The following SLC35F1 variants were observed in gnomAD, a reference collection of about 807,000 sequenced individuals.
SLC35F1 encodes solute carrier family 35 member F1.
SLC35F1 carries 14 observed loss-of-function variants against 48.7 expected under a neutral mutation model. That is an observed-to-expected ratio of 0.29 (90% confidence interval 0.19 to 0.45). The LOEUF is 0.45. SLC35F1 is among the 20% of genes least tolerant of loss of function. The pLI is 1.00. For synonymous variants in SLC35F1, 190 were observed against 202.2 expected (o/e 0.94, Z 0.51); for missense variants, 404 against 500.0 (o/e 0.81, Z 1.83).
At chr6:118,010,717 A>G (rs1192829789) in intron 1 of SLC35F1, among the ~76,000 whole-genome samples, 1 of 152,160 alleles carries the variant, frequency 6.6e-6, no homozygotes, top group Non-Finnish European at 1.5e-5. Context: ...CAGAAACTCA[A>G]AATTCTTTAA....
chr6:118,099,934 G>A (rs1773232650), intron 1 of SLC35F1, among the ~76,000 whole-genome samples: 1 of 152,016 alleles, frequency 6.6e-6, no homozygotes, highest in African/African-American at 2.4e-5. Flanking sequence ...TGGTATTCCT[G>A]GTTTCTTGGT....
intron 2 of SLC35F1, among the ~76,000 whole-genome samples, chr6:118,161,222 C>T (rs1166626048): frequency 1.3e-5 from 2 of 152,060 alleles, no homozygotes; most frequent in Non-Finnish European, 2.9e-5. Context: ...CTCCCCAGAT[C>T]CGTGAATGTG....
intron 1 of SLC35F1, among the ~76,000 whole-genome samples, chr6:118,088,607 A>G (rs531572422): frequency 6.6e-6 from 1 of 152,288 alleles, no homozygotes; most frequent in Non-Finnish European, 1.5e-5. Context: ...TGAATCTTAT[A>G]TTCAAAATAA....
At chr6:118,005,480 T>C (rs1163688621) in intron 1 of SLC35F1, among the ~76,000 whole-genome samples, 2 of 152,192 alleles carry the variant, frequency 1.3e-5, no homozygotes, top group African/African-American at 4.8e-5. Flanking sequence ...AGGGTGACTC[T>C]AGACATTCCC....
Position 118,285,194 on chromosome 6 carries a change from C to CGT in SLC35F1, c.859_860dup (p.Gly288LeufsTer18). 1 of 1,613,790 alleles carries CGT rather than the reference C, an allele frequency of 6.2e-7. No individual in the cohort carries two copies. The highest frequency in any genetic ancestry group is 2.2e-5 in the East Asian group (1 of 44,868). ...TTACTCTTCCCCCAGGACTGCTCTA[C>CGT]GTTGGCTTTAGTGCCTGCATGTTTG... On this transcript the variant is annotated frameshift_variant, in exon 7 of 8. Coordinates refer to ENST00000360388, the MANE Select transcript of SLC35F1 (RefSeq NM_001029858.4). LOFTEE classifies it high-confidence loss of function.
At chr6:117,966,457 G>A (rs1400213592) in intron 1 of SLC35F1, among the ~76,000 whole-genome samples, 1 of 151,508 alleles carries the variant, frequency 6.6e-6, no homozygotes, top group Non-Finnish European at 1.5e-5. Flanking sequence ...AACAACTCGG[G>A]ATGCGCTGCC....
chr6:118,145,340 A>G (rs958098983), intron 1 of SLC35F1, among the ~76,000 whole-genome samples: 2 of 152,226 alleles, frequency 1.3e-5, no homozygotes, highest in Non-Finnish European at 2.9e-5. Context: ...TGCTTTACTT[A>G]TGTGGATCTG....
At chr6:118,058,428 G>C (rs768740961) in intron 1 of SLC35F1, among the ~76,000 whole-genome samples, 3 of 152,042 alleles carry the variant, frequency 2.0e-5, no homozygotes, top group Non-Finnish European at 4.4e-5. Context: ...TTGTTTCTCA[G>C]AGTCCCTATT....
chr6:118,041,994 A>T (rs1010611959), intron 1 of SLC35F1, among the ~76,000 whole-genome samples: 4 of 152,082 alleles, frequency 2.6e-5, no homozygotes, highest in African/African-American at 9.7e-5. Context: ...TATTGCACAC[A>T]TAGCTGTCCC....
chr6:118,208,918 A>G (rs1430708598), intron 2 of SLC35F1, among the ~76,000 whole-genome samples: 1 of 152,098 alleles, frequency 6.6e-6, no homozygotes, highest in Non-Finnish European at 1.5e-5. Context: ...GAACCAGAAA[A>G]ATTCTTCCTC....
chr6:118,055,637 A>C (rs1210534401), intron 1 of SLC35F1, among the ~76,000 whole-genome samples: 4 of 152,134 alleles, frequency 2.6e-5, no homozygotes, highest in Non-Finnish European at 4.4e-5. Flanking sequence ...ATCTGCCATC[A>C]CTGTGTTAAC....
At chr6:118,083,831 CT>C (rs1200858834) in intron 1 of SLC35F1, among the ~76,000 whole-genome samples, 1 of 152,164 alleles carries the variant, frequency 6.6e-6, no homozygotes, top group African/African-American at 2.4e-5. Flanking sequence ...TTATGAAAGA[CT>C]TTTCTCAGCT....
intron 1 of SLC35F1, among the ~76,000 whole-genome samples, chr6:118,000,428 A>G (rs1357063434): frequency 6.6e-6 from 1 of 152,206 alleles, no homozygotes; most frequent in Admixed American, 6.5e-5. Context: ...TCAATAAATT[A>G]GGCATTGATG....
chr6:118,299,043 T>A (rs1030347158), intron 7 of SLC35F1, among the ~76,000 whole-genome samples: 10 of 152,036 alleles, frequency 6.6e-5, no homozygotes, highest in Non-Finnish European at 1.5e-5. Context: ...TAGCCGGGCA[T>A]GGTGGCATGC....
chr6:117,960,199 C>T (rs772170277), intron 1 of SLC35F1, among the ~76,000 whole-genome samples: 1 of 151,742 alleles, frequency 6.6e-6, no homozygotes, highest in Non-Finnish European at 1.5e-5. Context: ...TCTATGTTTG[C>T]TTCTTTCTTT....
intron 1 of SLC35F1, among the ~76,000 whole-genome samples, chr6:118,093,576 A>G (rs773500211): frequency 3.9e-5 from 6 of 152,208 alleles, no homozygotes; most frequent in Non-Finnish European, 8.8e-5. Context: ...TGCCTCCGCC[A>G]TGTAAGGCAT....
At chr6:117,952,850 GA>G (rs1185330938) in intron 1 of SLC35F1, among the ~76,000 whole-genome samples, 2 of 152,158 alleles carry the variant, frequency 1.3e-5, no homozygotes, top group African/African-American at 4.8e-5. Flanking sequence ...CTAATTTGGG[GA>G]AAAACTTTTG....
At chr6:118,155,654 A>G (rs575597647) in intron 2 of SLC35F1, among the ~76,000 whole-genome samples, 1 of 152,368 alleles carries the variant, frequency 6.6e-6, no homozygotes, top group East Asian at 1.9e-4. Flanking sequence ...TCATTATAGC[A>G]GCACAAAATG....
At chr6:118,179,996 G>A (rs1774550018) in intron 2 of SLC35F1, among the ~76,000 whole-genome samples, 1 of 152,156 alleles carries the variant, frequency 6.6e-6, no homozygotes, top group East Asian at 1.9e-4. Flanking sequence ...GGATGAGCTA[G>A]GATGAAATCT....
Sources: gnomAD v4.1 joint callset for allele counts (sites outside exome capture counted in the v4.1 genomes callset) on GRCh38, gnomAD v4.1.1 for gene constraint, MANE v1.5 for transcripts, NCBI Gene and HGNC (gene_info 2026-07-23, HGNC 2026-07-21) for gene names.